Variants in CPNE4 observed in about 807,000 individuals in gnomAD.
The protein encoded by CPNE4 is copine-4.
CPNE4 carries 25 observed loss-of-function variants against 67.9 expected under a neutral mutation model. That is an observed-to-expected ratio of 0.37 (90% CI 0.27 to 0.51). CPNE4 has a LOEUF of 0.51. Ranked by LOEUF, CPNE4 falls within the 20% of genes least tolerant of loss-of-function variation. CPNE4 has a pLI of 0.93. For synonymous variants in CPNE4, 242 were observed against 244.9 expected (o/e 0.99, Z 0.11); for missense variants, 464 against 690.8 (o/e 0.67, Z 3.68).
intron 7 of CPNE4, among the ~76,000 whole-genome samples, chr3:131,613,374 T>A (rs1939957988): frequency 2.0e-5 from 3 of 152,156 alleles, no homozygotes; most frequent in Admixed American, 1.3e-4. Flanking sequence ...GGTACCAAAG[T>A]CTTCTGATGA....
chr3:131,864,451 T>C (rs2086843798), intron 2 of CPNE4, among the ~76,000 whole-genome samples: 2 of 152,234 alleles, frequency 1.3e-5, no homozygotes, highest in Admixed American at 1.3e-4. Context: ...CCTAGTTATT[T>C]TTTTTTCTTT....
chr3:132,000,280 C>T (rs1345873418), intron 1 of CPNE4, among the ~76,000 whole-genome samples: 1 of 151,892 alleles, frequency 6.6e-6, no homozygotes, highest in Non-Finnish European at 1.5e-5. Flanking sequence ...AATTTAGATA[C>T]TAAATGGAGG....
At chr3:131,829,794 A>G (rs1583284251) in intron 2 of CPNE4, among the ~76,000 whole-genome samples, 1 of 152,232 alleles carries the variant, frequency 6.6e-6, no homozygotes, top group Non-Finnish European at 1.5e-5. Context: ...AGATACCTTC[A>G]TACACATCAC....
intron 3 of CPNE4, among the ~76,000 whole-genome samples, chr3:131,720,293 T>G (rs1365555670): frequency 2.7e-5 from 4 of 150,236 alleles, no homozygotes; most frequent in Admixed American, 2.0e-4. Context: ...GGTTTTTTTT[T>G]TTTTTTTTTT....
At chr3:131,799,858 G>T (rs1287777146) in intron 2 of CPNE4, among the ~76,000 whole-genome samples, 1 of 151,752 alleles carries the variant, frequency 6.6e-6, no homozygotes, top group East Asian at 1.9e-4. Flanking sequence ...GCAGTCTTTA[G>T]TTTCCGAGAT....
At chr3:131,885,794 G>T (rs9856187) in intron 2 of CPNE4, among the ~76,000 whole-genome samples, 43,755 of 151,826 alleles carry the variant, frequency 0.29, 7,372 homozygotes, top group Non-Finnish European at 0.37. Context: ...TGCGGTGTTT[G>T]GTTTTTTGTT....
intron 1 of CPNE4, among the ~76,000 whole-genome samples, chr3:131,930,658 A>G (rs376942761): frequency 3.3e-5 from 5 of 152,220 alleles, no homozygotes; most frequent in African/African-American, 9.6e-5. Flanking sequence ...CCACATAGTA[A>G]TTGCTCAGTG....
intron 1 of CPNE4, among the ~76,000 whole-genome samples, chr3:131,994,753 G>C (rs1173216663): frequency 6.6e-6 from 1 of 152,112 alleles, no homozygotes; most frequent in Non-Finnish European, 1.5e-5. Flanking sequence ...ATATACACTG[G>C]GGAGATGGAT....
chr3:131,569,637 CAAAAAACAA>C (rs1328463912), intron 10 of CPNE4, among the ~76,000 whole-genome samples: 3 of 98,504 alleles, frequency 3.0e-5, no homozygotes, highest in Non-Finnish European at 4.4e-5. Flanking sequence ...GACCCTGTTT[CAAAAAACAA>C]AAAAAACAAA....
intron 8 of CPNE4, 114 bp from the exon 9 acceptor site, chr3:131,581,779 T>C (rs1034751677): frequency 6.8e-6 from 5 of 734,418 alleles, no homozygotes; most frequent in Non-Finnish European, 1.2e-5. Flanking sequence ...TGACAAATAG[T>C]CTCTAGGTGG....
chr3:131,550,501 G>A (rs1936112481), intron 13 of CPNE4, among the ~76,000 whole-genome samples: 1 of 152,098 alleles, frequency 6.6e-6, no homozygotes, highest in African/African-American at 2.4e-5. Flanking sequence ...TAAGCACTGT[G>A]TTCTTAGCCA....
chr3:131,904,455 G>A (rs1029275816), intron 2 of CPNE4, among the ~76,000 whole-genome samples: 4 of 152,130 alleles, frequency 2.6e-5, no homozygotes, highest in East Asian at 1.9e-4. Flanking sequence ...TTTAATTATC[G>A]TTGTTGGGTT....
At chr3:131,735,615 C>T (rs1456499279) in intron 2 of CPNE4, among the ~76,000 whole-genome samples, 1 of 152,148 alleles carries the variant, frequency 6.6e-6, no homozygotes, top group African/African-American at 2.4e-5. Flanking sequence ...TATTAATATC[C>T]AACCAAAGAC....
chr3:132,033,842 G>A (rs2074292190), intron 1 of CPNE4, among the ~76,000 whole-genome samples: 1 of 152,174 alleles, frequency 6.6e-6, no homozygotes, highest in Non-Finnish European at 1.5e-5. Flanking sequence ...CAGTTCTCGT[G>A]TGTCTGTGAT....
intron 2 of CPNE4, among the ~76,000 whole-genome samples, chr3:131,744,806 G>C (rs561568745): frequency 2.6e-5 from 4 of 152,102 alleles, no homozygotes; most frequent in Non-Finnish European, 5.9e-5. Context: ...CCATGATATA[G>C]ATGTACCACA....
At chr3:131,863,519 G>A (rs982718295) in intron 2 of CPNE4, among the ~76,000 whole-genome samples, 1 of 152,196 alleles carries the variant, frequency 6.6e-6, no homozygotes, top group Non-Finnish European at 1.5e-5. Context: ...TTTGAGAAGT[G>A]TCTGTTCATA....
At chr3:132,023,664 T>A (rs2074053226) in intron 1 of CPNE4, among the ~76,000 whole-genome samples, 1 of 152,044 alleles carries the variant, frequency 6.6e-6, no homozygotes, top group Non-Finnish European at 1.5e-5. Flanking sequence ...ATTTTTTGTA[T>A]TTTTAGTAGA....
chr3:131,608,857 C>G (rs539142231), intron 7 of CPNE4, among the ~76,000 whole-genome samples: 2 of 152,222 alleles, frequency 1.3e-5, no homozygotes, highest in East Asian at 3.9e-4. Context: ...TTCCACAACA[C>G]TCCCCCACCT....
At chr3:131,729,825 A>C (rs1261013269) in intron 2 of CPNE4, among the ~76,000 whole-genome samples, 2 of 152,234 alleles carry the variant, frequency 1.3e-5, no homozygotes, top group Non-Finnish European at 2.9e-5. Context: ...GACTAAAAAA[A>C]TGCCTGAGTA....
Sources: allele counts gnomAD v4.1 joint callset (sites outside exome capture counted in the v4.1 genomes callset), GRCh38; gene constraint gnomAD v4.1.1; transcripts MANE v1.5; gene names NCBI Gene and HGNC (gene_info 2026-07-23, HGNC 2026-07-21).